Variants in SERBP1 observed in about 807,000 individuals in gnomAD.
SERBP1 encodes the protein SERPINE1 mRNA binding protein 1, also known as SERPINE1 mRNA-binding protein 1.
Under a neutral mutation model 50.2 loss-of-function variants are expected in SERBP1, and 6 were observed. That is an observed-to-expected ratio of 0.12 (90% CI 0.07 to 0.24). SERBP1 has a LOEUF of 0.24. SERBP1 is among the 10% of genes least tolerant of loss of function. The probability of loss-of-function intolerance (pLI) is 1.00; values close to 1 mark genes in which losing one functional copy is unlikely to be tolerated. For missense variants in SERBP1, 346 were observed against 524.9 expected (o/e 0.66, Z 3.33); for synonymous variants, 168 against 182.8 (o/e 0.92, Z 0.65).
intron 7 of SERBP1, among the ~76,000 whole-genome samples, chr1:67,413,615 C>T (rs112690198): frequency 0.046 from 6,884 of 148,246 alleles, 216 homozygotes; most frequent in Admixed American, 0.069. Flanking sequence ...TGCCACTGCA[C>T]TCCAGCCTGG....
intron 7 of SERBP1, among the ~76,000 whole-genome samples, chr1:67,414,228 ACTAATAT>A (rs1666931464): frequency 1.3e-5 from 2 of 152,268 alleles, no homozygotes; most frequent in South Asian, 4.1e-4. Flanking sequence ...ATGCTAAGGA[ACTAATAT>A]CTAAGTAGCA....
At chr1:67,422,507 T>C (rs1370041821) in intron 5 of SERBP1, among the ~76,000 whole-genome samples, 3 of 148,882 alleles carry the variant, frequency 2.0e-5, no homozygotes, top group Admixed American at 6.7e-5. Flanking sequence ...CAAAACTCCA[T>C]CTCAAAAAAA....
At chr1:67,419,243 T>C (rs1337175036) in intron 6 of SERBP1, among the ~76,000 whole-genome samples, 1 of 152,266 alleles carries the variant, frequency 6.6e-6, no homozygotes, top group Non-Finnish European at 1.5e-5. Flanking sequence ...ACATTTTCTT[T>C]AGCTTACTTT....
intron 5 of SERBP1, among the ~76,000 whole-genome samples, chr1:67,421,930 T>C (rs1185002219): frequency 6.6e-6 from 1 of 152,094 alleles, no homozygotes; most frequent in Non-Finnish European, 1.5e-5. Flanking sequence ...CAGGAGACTG[T>C]GTCTCAAAGA....
rs1666692100 is a variant in SERBP1, at chr1:67,408,097, A to C, written c.*5110T>G. On this transcript the variant is annotated 3_prime_UTR_variant, in exon 8 of 8. Coordinates refer to ENST00000361219, the MANE Select transcript of SERBP1 (RefSeq NM_001018069.2). ...TCCCACTTTCCCTACTCAGTAATAC[A>C]TAAAAATCCTTAATATTAGCCCTTC... 1 of 152,242 alleles carries C rather than the reference A, an allele frequency of 6.6e-6. No individual in the cohort carries two copies. The highest frequency in any genetic ancestry group is 2.1e-4 in the South Asian group (1 of 4,830). 9.4% of individuals were successfully genotyped at this position (152,242 alleles called of 1,614,324 possible).
chr1:67,422,725 C>T (rs1667239897), intron 5 of SERBP1, among the ~76,000 whole-genome samples: 1 of 151,956 alleles, frequency 6.6e-6, no homozygotes, highest in Non-Finnish European at 1.5e-5. Flanking sequence ...TTTGGAAGGC[C>T]AAGGCGGATG....
chr1:67,413,544 G>C (rs1159387321), intron 7 of SERBP1, among the ~76,000 whole-genome samples: 1 of 151,610 alleles, frequency 6.6e-6, no homozygotes, highest in Non-Finnish European at 1.5e-5. Context: ...CACTACTCAA[G>C]AGGCTGAGGC....
At chr1:67,428,893 A>C (rs1451608522) in intron 1 of SERBP1, among the ~76,000 whole-genome samples, 1 of 152,206 alleles carries the variant, frequency 6.6e-6, no homozygotes. Flanking sequence ...TCAACTTTCA[A>C]CATATAAATG....
At chr1:67,423,293 T>C (rs938854803) in intron 5 of SERBP1, among the ~76,000 whole-genome samples, 1 of 140,150 alleles carries the variant, frequency 7.1e-6, no homozygotes, top group Non-Finnish European at 1.5e-5. Flanking sequence ...GTGAACTCCA[T>C]CTCACACACA....
chr1:67,427,903 T>G (rs1054827949), intron 1 of SERBP1, among the ~76,000 whole-genome samples: 1 of 152,230 alleles, frequency 6.6e-6, no homozygotes, highest in Non-Finnish European at 1.5e-5. Context: ...CTCAATGACA[T>G]TCTGCTGTCA....
intron 1 of SERBP1, among the ~76,000 whole-genome samples, chr1:67,428,705 G>T (rs1404293587): frequency 7.2e-6 from 1 of 138,286 alleles, no homozygotes; most frequent in Non-Finnish European, 1.5e-5. Context: ...TAGGACCGAG[G>T]TTCTTCATTC....
At position 67,410,870 on chromosome 1, in the gene SERBP1, G is replaced by C. The variant is rs757821714; in HGVS notation, c.*2337C>G. The C allele has an allele frequency of 6.6e-6, 1 of 152,062 alleles. No homozygotes were observed. Among genetic ancestry groups the C allele is most frequent in the Non-Finnish European group, 1.5e-5 (1 of 67,972 alleles). The allele number at this position is 152,062 out of a possible 1,614,324, so 9.4% of individuals were successfully genotyped here. On this transcript the variant is annotated 3_prime_UTR_variant, in exon 8 of 8. Transcript: ENST00000361219. ...TTCAACTTTCCCAATTAAGTCATTAGTCATTAAGATAAGTACCCTTCCCAA... is the reference window on the plus strand; with the variant it reads ...TTCAACTTTCCCAATTAAGTCATTACTCATTAAGATAAGTACCCTTCCCAA...
Position 67,409,261 on chromosome 1 carries a change from T to A in SERBP1, c.*3946A>T, listed in dbSNP as rs1252715018. On this transcript the variant is annotated 3_prime_UTR_variant, in exon 8 of 8. Transcript: ENST00000361219. The stretch of plus-strand genomic sequence containing the variant: ...ACTCTTGTAACCCGAGAGTGACAGT[T>A]CCGGGGTCAGCAAACATTTCTGTGA... 1 of 151,508 alleles carries A rather than the reference T, an allele frequency of 6.6e-6. No individual in the cohort carries two copies. Among genetic ancestry groups the A allele is most frequent in the Admixed American group, 6.6e-5 (1 of 15,204 alleles). The allele number at this position is 151,508 out of a possible 1,614,324, so 9.4% of individuals were successfully genotyped here. A position where few individuals can be genotyped will look rare whatever the true frequency, so the allele number is the denominator to read the frequency against.
intron 1 of SERBP1, chr1:67,429,770 G>A (rs1188812761): frequency 5.6e-6 from 3 of 531,608 alleles, no homozygotes; most frequent in Non-Finnish European, 9.9e-6. Context: ...GGCGGGAAGG[G>A]GATGGCTCCG....
At chr1:67,414,232 A>G (rs565950193) in intron 7 of SERBP1, among the ~76,000 whole-genome samples, 7 of 152,364 alleles carry the variant, frequency 4.6e-5, no homozygotes, top group Middle Eastern at 3.4e-3. Flanking sequence ...TAAGGAACTA[A>G]TATCTAAGTA....
At chr1:67,425,785 C>T (rs1203005943) in intron 2 of SERBP1, among the ~76,000 whole-genome samples, 1 of 152,224 alleles carries the variant, frequency 6.6e-6, no homozygotes, top group African/African-American at 2.4e-5. Flanking sequence ...AGACTGCTAC[C>T]TGGCAATTAT....
intron 6 of SERBP1, among the ~76,000 whole-genome samples, chr1:67,415,991 C>T (rs906577513): frequency 1.7e-4 from 26 of 150,060 alleles, no homozygotes; most frequent in African/African-American, 6.1e-4. Context: ...AAAACCACAC[C>T]TTAAATGTGT....
chr1:67,418,193 T>C (rs937757114), intron 6 of SERBP1, among the ~76,000 whole-genome samples: 1 of 151,334 alleles, frequency 6.6e-6, no homozygotes, highest in Admixed American at 6.6e-5. Context: ...CAGACTGGTC[T>C]TGAACTCCCG....
chr1:67,426,375 T>A (rs963697287), intron 1 of SERBP1, 90 bp from the exon 2 acceptor site: 2 of 1,290,172 alleles, frequency 1.6e-6, no homozygotes, highest in Non-Finnish European at 2.1e-6. Flanking sequence ...TCTCTTCCAA[T>A]CCACTACCAT....
Sources: allele counts gnomAD v4.1 joint callset (sites outside exome capture counted in the v4.1 genomes callset), GRCh38; gene constraint gnomAD v4.1.1; transcripts MANE v1.5; gene names NCBI Gene and HGNC (gene_info 2026-07-23, HGNC 2026-07-21).